CEMIP2: variants seen among roughly 807,000 people sequenced by gnomAD.
The protein encoded by CEMIP2 is cell migration inducing hyaluronidase 2.
CEMIP2 carries 79 observed loss-of-function variants against 146.9 expected under a neutral mutation model. That is an observed-to-expected ratio of 0.54 (90% confidence interval 0.45 to 0.65). The LOEUF (loss-of-function observed/expected upper bound fraction) is 0.65, where lower values mean the gene tolerates loss of function less well. CEMIP2 is among the 30% of genes least tolerant of loss of function. The pLI, the probability that CEMIP2 is intolerant of heterozygous loss-of-function variation, is 0.00. For missense variants in CEMIP2, 1,596 were observed against 1,696.2 expected, an observed-to-expected ratio of 0.94 and a Z score of 1.04; for synonymous variants, 601 against 606.3, an observed-to-expected ratio of 0.99 and a Z score of 0.13.
chr9:71,706,238 A>G (rs1822734776), intron 17 of CEMIP2, among the ~76,000 whole-genome samples: 1 of 127,118 alleles, frequency 7.9e-6, no homozygotes, highest in African/African-American at 3.8e-5. Flanking sequence ...TCAAAAAAAA[A>G]GGAAAAAAAA....
chr9:71,760,544 G>A (rs538058906), intron 1 of CEMIP2, among the ~76,000 whole-genome samples: 2 of 151,214 alleles, frequency 1.3e-5, no homozygotes, highest in East Asian at 1.9e-4. Flanking sequence ...TTTTTCCAAC[G>A]ATGTTAAACA....
In CEMIP2 at chr9:71,685,096, A is replaced by T; in HGVS notation, c.*101T>A. ...TTCTCCCCATTCTGTATCAAACTGG[A>T]AAATGGTTCCGTTGGGTTAACAGTG... On this transcript the variant is annotated 3_prime_UTR_variant, in exon 24 of 24. Coordinates refer to ENST00000377044, the MANE Select transcript of CEMIP2 (RefSeq NM_013390.3). The T allele has an allele frequency of 8.4e-7, 1 of 1,194,570 alleles. No individual in the cohort carries two copies. Among genetic ancestry groups the T allele is most frequent in the African/African-American group, 1.5e-5 (1 of 65,366 alleles). The allele number at this position is 1,194,570 out of a possible 1,614,324, so 74.0% of individuals were successfully genotyped here.
chr9:71,715,375 C>T (rs1034241164), intron 14 of CEMIP2, among the ~76,000 whole-genome samples: 18 of 150,404 alleles, frequency 1.2e-4, no homozygotes, highest in African/African-American at 3.9e-4. Context: ...TTCCAAGTAG[C>T]TGGGACCACA....
chr9:71,743,368 A>C (rs1276326460), intron 4 of CEMIP2, among the ~76,000 whole-genome samples: 3 of 152,176 alleles, frequency 2.0e-5, no homozygotes, highest in African/African-American at 7.2e-5. Context: ...CATTGCGGCA[A>C]CTTATTAAGC....
intron 18 of CEMIP2, 79 bp from the exon 19 acceptor site, chr9:71,700,903 G>T: frequency 7.9e-7 from 1 of 1,272,800 alleles, no homozygotes; most frequent in Non-Finnish European, 1.1e-6. Flanking sequence ...GCAGATAACT[G>T]TCCTTCATGT....
rs149368011 is a variant in CEMIP2 at position 71,719,981 on chromosome 9, A to T, written c.2268-1902T>A. The stretch of plus-strand genomic sequence containing the variant: ...GCCCAGGCATGTACAGGGAGAAAAA[A>T]AGTAATCAGTAACTGACCACTTGCT... On this transcript the variant is annotated intron_variant, in intron 12 of 23. Coordinates refer to ENST00000377044, the MANE Select transcript of CEMIP2 (RefSeq NM_013390.3). Among the ~76,000 whole-genome samples, 243 of 152,282 alleles carry T rather than the reference A, an allele frequency of 1.6e-3. 1 individual carries two copies. The highest frequency in any genetic ancestry group is 5.6e-3 in the African/African-American group (231 of 41,556).
At chr9:71,720,679 G>A (rs1393474948) in intron 12 of CEMIP2, among the ~76,000 whole-genome samples, 3 of 152,006 alleles carry the variant, frequency 2.0e-5, no homozygotes, top group Non-Finnish European at 4.4e-5. Context: ...TATATGAGCT[G>A]GTTTATTACT....
At chr9:71,767,190 T>A (rs760465637) in intron 1 of CEMIP2, among the ~76,000 whole-genome samples, 7 of 152,222 alleles carry the variant, frequency 4.6e-5, no homozygotes, top group Admixed American at 1.3e-4. Context: ...CTAACCATTT[T>A]AAAGGTGTTT....
intron 1 of CEMIP2, among the ~76,000 whole-genome samples, chr9:71,756,328 T>A (rs1589168383): frequency 7.6e-6 from 1 of 131,146 alleles, no homozygotes; most frequent in South Asian, 3.2e-4. Context: ...CGTGTGTATG[T>A]GTGTGTGTAT....
At position 71,750,276 on chromosome 9, in the gene CEMIP2, A is replaced by G. The variant is rs763649805; in HGVS notation, c.98T>C (p.Val33Ala). The change falls in exon 2 of 24, where the codon GTC becomes GCC. Residue 33 changes from valine to alanine, a missense_variant. Physicochemically the swap from Val to Ala is moderately conservative, Grantham distance 64. Coordinates refer to ENST00000377044, the MANE Select transcript of CEMIP2 (RefSeq NM_013390.3). ...TGGAGGAGGAGGGGGACGCAATGGG[A>G]CAACCTTCCCTGGAACATAGCCAGA... ...HPSGYVPGKV[V>A]PLRPPPPPKS... 6.2e-7 allele frequency: 1 copy of G among 1,613,870 alleles called. No homozygotes were observed. Among genetic ancestry groups the G allele is most frequent in the Non-Finnish European group, 8.5e-7 (1 of 1,179,980 alleles).
rs983243738 is a variant in CEMIP2 at position 71,733,854 on chromosome 9, T to TA, written c.1393+951_1393+952insT. Among the ~76,000 whole-genome samples the TA allele has an allele frequency of 9.9e-5, 15 of 152,078 alleles. 1 individual carries two copies. Among genetic ancestry groups the TA allele is most frequent in the African/African-American group, 3.6e-4 (15 of 41,440 alleles). ...AAGAATTTCTTTGTGTAGTCTTTTTTTTTTTTTGAGACGCAGTCTCGCTCT... is the reference window on the plus strand; with the variant it reads ...AAGAATTTCTTTGTGTAGTCTTTTTTATTTTTTTGAGACGCAGTCTCGCTCT... On this transcript the variant is annotated intron_variant, in intron 6 of 23. Coordinates refer to ENST00000377044, the MANE Select transcript of CEMIP2 (RefSeq NM_013390.3).
At chr9:71,754,006 T>C (rs368381015) in intron 1 of CEMIP2, among the ~76,000 whole-genome samples, 5 of 152,088 alleles carry the variant, frequency 3.3e-5, no homozygotes, top group African/African-American at 4.8e-5. Flanking sequence ...TAGGTGGGAA[T>C]TGAACAATGA....
rs138253535 is a variant in CEMIP2, at chr9:71,750,305, G to T, written c.69C>A (p.His23Gln). 4.3e-6 allele frequency: 7 copies of T among 1,613,864 alleles called. No homozygotes were observed. Among genetic ancestry groups the T allele is most frequent in the Non-Finnish European group, 5.9e-6 (7 of 1,179,990 alleles). ...FLQPQNGNSR[H>Q]PSGYVPGKVV... ...CCTTCCCTGGAACATAGCCAGATGG[G>T]TGACGACTATTTCCATTCTGAGGTT... Residue 23 changes from histidine (H) to glutamine (Q), a missense_variant, in exon 2 of 24, where the codon CAC becomes CAA. Coordinates refer to ENST00000377044, the MANE Select transcript of CEMIP2 (RefSeq NM_013390.3).
intron 1 of CEMIP2, among the ~76,000 whole-genome samples, chr9:71,763,150 C>A (rs1824687410): frequency 6.6e-6 from 1 of 151,310 alleles, no homozygotes; most frequent in African/African-American, 2.4e-5. Flanking sequence ...TAAGCTAAAT[C>A]TTTCCCATTC....
intron 6 of CEMIP2, among the ~76,000 whole-genome samples, chr9:71,733,848 C>CTT (rs757541859): frequency 0.059 from 8,636 of 145,462 alleles, 384 homozygotes; most frequent in Non-Finnish European, 0.086. Context: ...TTTGTGTAGT[C>CTT]TTTTTTTTTT....
At chr9:71,715,113 A>T (rs775366716) in intron 14 of CEMIP2, 24 bp from the exon 15 acceptor site, 11 of 1,609,480 alleles carry the variant, frequency 6.8e-6, no homozygotes, top group Non-Finnish European at 9.3e-6. Flanking sequence ...AACAATCATT[A>T]GCTACATTTC....
chr9:71,708,800 C>T (rs767981811), intron 17 of CEMIP2, among the ~76,000 whole-genome samples: 15 of 152,134 alleles, frequency 9.9e-5, no homozygotes, highest in Non-Finnish European at 2.1e-4. Context: ...GCTCTGTCCC[C>T]GGGAACATCT....
At chr9:71,737,431 GA>G (rs905862948) in intron 5 of CEMIP2, among the ~76,000 whole-genome samples, 17 of 150,412 alleles carry the variant, frequency 1.1e-4, no homozygotes, top group African/African-American at 3.9e-4. Context: ...GAAAGAAAAA[GA>G]AAAAAAATAT....
intron 2 of CEMIP2, among the ~76,000 whole-genome samples, chr9:71,748,526 A>C (rs1824152949): frequency 6.6e-6 from 1 of 152,258 alleles, no homozygotes; most frequent in Non-Finnish European, 1.5e-5. Context: ...ATATGAAAAC[A>C]CCAATCAAAG....
Sources: allele counts gnomAD v4.1 joint callset (sites outside exome capture counted in the v4.1 genomes callset), GRCh38; gene constraint gnomAD v4.1.1; transcripts MANE v1.5; gene names NCBI Gene and HGNC (gene_info 2026-07-23, HGNC 2026-07-21).